CCDC90B: variants seen among roughly 807,000 people sequenced by gnomAD.
CCDC90B encodes coiled-coil domain-containing protein 90B, mitochondrial.
CCDC90B carries 24 observed loss-of-function variants against 37.0 expected under a neutral mutation model. That is an observed-to-expected ratio of 0.65 (90% CI 0.47 to 0.91). The LOEUF is 0.91. CCDC90B is among the 40% of genes least tolerant of loss of function. The pLI is 0.00. For missense variants in CCDC90B, 319 were observed against 299.0 expected, an observed-to-expected ratio of 1.07 and a Z score of -0.49; for synonymous variants, 113 against 101.1, an observed-to-expected ratio of 1.12 and a Z score of -0.71.
chr11:83,282,051 T>C (rs1182221068), intron 1 of CCDC90B, among the ~76,000 whole-genome samples: 1 of 152,184 alleles, frequency 6.6e-6, no homozygotes, highest in African/African-American at 2.4e-5. Context: ...CGTTAGCCTA[T>C]AGTTGGCCAA....
intron 1 of CCDC90B, among the ~76,000 whole-genome samples, chr11:83,281,728 T>C (rs1198432560): frequency 6.6e-6 from 1 of 152,040 alleles, no homozygotes; most frequent in African/African-American, 2.4e-5. Flanking sequence ...TTAGGAGTAA[T>C]GATGGTACTC....
At chr11:83,282,643 C>G (rs1163224179) in intron 1 of CCDC90B, among the ~76,000 whole-genome samples, 1 of 152,200 alleles carries the variant, frequency 6.6e-6, no homozygotes, top group Non-Finnish European at 1.5e-5. Flanking sequence ...CTTCTCAGGG[C>G]CTTTGCCTAG....
intron 2 of CCDC90B, among the ~76,000 whole-genome samples, 182 bp downstream of exon 2, chr11:83,279,959 C>T (rs1211555933): frequency 5.3e-5 from 8 of 152,014 alleles, no homozygotes; most frequent in Non-Finnish European, 1.2e-4. Flanking sequence ...ATATCTTGAA[C>T]ATTCCCCATA....
intron 1 of CCDC90B, chr11:83,285,627 G>A: frequency 7.4e-7 from 1 of 1,350,910 alleles, no homozygotes; most frequent in East Asian, 3.0e-5. Flanking sequence ...AAAGAAGCCG[G>A]GCGCGAAGCC....
intron 3 of CCDC90B, among the ~76,000 whole-genome samples, chr11:83,277,296 C>T (rs1865093217): frequency 6.6e-6 from 1 of 152,152 alleles, no homozygotes; most frequent in Non-Finnish European, 1.5e-5. Flanking sequence ...TCTTTCAGGA[C>T]AGCTCGGAGC....
At position 83,261,761 on chromosome 11, in the gene CCDC90B, C is replaced by T. The variant is rs1863936482; in HGVS notation, c.*150G>A. The T allele has an allele frequency of 1.7e-6, 1 of 576,310 alleles. No individual in the cohort carries two copies. The highest frequency in any genetic ancestry group is 3.0e-5 in the Admixed American group (1 of 33,688). The allele number at this position is 576,310 out of a possible 1,614,324, so 35.7% of individuals were successfully genotyped here. On this transcript the variant is annotated 3_prime_UTR_variant, in exon 9 of 9. Coordinates refer to ENST00000529689, the MANE Select transcript of CCDC90B (RefSeq NM_021825.5). ...ACACAATAAAGACACAGTATCTCTTCTCATTCTAAAACACTTCCTCTTTTA... is the reference window on the plus strand; with the variant it reads ...ACACAATAAAGACACAGTATCTCTTTTCATTCTAAAACACTTCCTCTTTTA...
intron 1 of CCDC90B, 135 bp from the exon 2 acceptor site, chr11:83,280,395 T>C (rs1190229496): frequency 1.1e-5 from 8 of 699,092 alleles, no homozygotes; most frequent in Non-Finnish European, 1.9e-5. Context: ...CCCAAGTTAA[T>C]TGACTCCTCT....
Position 83,286,327 on chromosome 11 carries a change from G to A in CCDC90B, c.-355C>T, listed in dbSNP as rs770531915. On this transcript the variant is annotated 5_prime_UTR_variant, in exon 1 of 9. Transcript: ENST00000529689. ...AGCTGGCTCCCCCAAGATAGCCAGC[G>A]GCCATTACGCGCTTGGGTCGGGGGA... 1.2e-4 allele frequency: 95 copies of A among 806,090 alleles called. 1 individual carries two copies. Among genetic ancestry groups the A allele is most frequent in the Non-Finnish European group, 1.8e-4 (92 of 522,520 alleles). The allele number at this position is 806,090 out of a possible 1,614,324, so 49.9% of individuals were successfully genotyped here.
chr11:83,269,175 A>G (rs562954336), intron 7 of CCDC90B, among the ~76,000 whole-genome samples: 1 of 152,324 alleles, frequency 6.6e-6, no homozygotes, highest in South Asian at 2.1e-4. Context: ...AAGATCTAAA[A>G]TCGACACCCT....
chr11:83,281,643 A>T (rs1591063217), intron 1 of CCDC90B, among the ~76,000 whole-genome samples: 2 of 152,172 alleles, frequency 1.3e-5, no homozygotes, highest in African/African-American at 4.8e-5. Flanking sequence ...TGTAAATATC[A>T]GACCTAAGGT....
intron 7 of CCDC90B, chr11:83,273,263 T>C (rs1304539608): frequency 1.5e-5 from 2 of 132,210 alleles, no homozygotes; most frequent in East Asian, 4.0e-4. Context: ...CTTTTTTTTT[T>C]TTTTGTTTTT....
At chr11:83,279,481 A>C (rs1201975139) in intron 2 of CCDC90B, among the ~76,000 whole-genome samples, 1 of 152,078 alleles carries the variant, frequency 6.6e-6, no homozygotes, top group Non-Finnish European at 1.5e-5. Flanking sequence ...AGCATTACAT[A>C]TACTTTTTGT....
chr11:83,285,469 G>T, intron 1 of CCDC90B: 2 of 1,113,362 alleles, frequency 1.8e-6, no homozygotes, highest in Non-Finnish European at 2.2e-6. Flanking sequence ...CAAAAACCTG[G>T]GCTCGAGGCC....
chr11:83,274,546 A>G lies in CCDC90B; in HGVS notation c.426+93T>C, dbSNP rs886989846. ...AACTTATTGTTTACTAACCACATGG[A>G]ATTATTACTTGGTCTTATTAACTTA... On this transcript the variant is annotated intron_variant, in intron 4 of 8. Coordinates refer to ENST00000529689, the MANE Select transcript of CCDC90B (RefSeq NM_021825.5). The G allele has an allele frequency of 4.2e-4, 281 of 672,944 alleles. 1 individual carries two copies. The highest frequency in any genetic ancestry group is 6.6e-4 in the Non-Finnish European group (265 of 402,040). The allele number at this position is 672,944 out of a possible 1,614,324, so 41.7% of individuals were successfully genotyped here. A position where few individuals can be genotyped will look rare whatever the true frequency, so the allele number is the denominator to read the frequency against.
At chr11:83,280,620 T>C (rs561313) in intron 1 of CCDC90B, among the ~76,000 whole-genome samples, 40,111 of 152,164 alleles carry the variant, frequency 0.26, 5,467 homozygotes, top group Middle Eastern at 0.41. Context: ...TGCTCAGTAA[T>C]AGTCTTTCAA....
chr11:83,272,685 A>C (rs913123607), intron 7 of CCDC90B, among the ~76,000 whole-genome samples: 2 of 152,208 alleles, frequency 1.3e-5, no homozygotes, highest in African/African-American at 4.8e-5. Flanking sequence ...TTATCTGGCC[A>C]AGAAGTAAGG....
chr11:83,275,840 TAGTAAC>T, intron 3 of CCDC90B, among the ~76,000 whole-genome samples: 1 of 152,306 alleles, frequency 6.6e-6, no homozygotes. Flanking sequence ...AAAATGGAAA[TAGTAAC>T]AGTACCTGGT....
chr11:83,275,444 CAAAG>C (rs1338951756), intron 3 of CCDC90B, among the ~76,000 whole-genome samples: 1 of 147,828 alleles, frequency 6.8e-6, no homozygotes, highest in Non-Finnish European at 1.5e-5. Context: ...ACATAACACT[CAAAG>C]GAAATGTGCA....
chr11:83,274,840 AC>A, intron 3 of CCDC90B, 100 bp from the exon 4 acceptor site: 1 of 720,084 alleles, frequency 1.4e-6, no homozygotes, highest in Admixed American at 2.6e-5. Context: ...TTAACATGCT[AC>A]AAGGTATAAT....
Sources: gnomAD v4.1 joint callset for allele counts (sites outside exome capture counted in the v4.1 genomes callset) on GRCh38, gnomAD v4.1.1 for gene constraint, MANE v1.5 for transcripts, NCBI Gene and HGNC (gene_info 2026-07-23, HGNC 2026-07-21) for gene names.